The following EXD2 variants were observed in gnomAD, a reference collection of about 807,000 sequenced individuals.
EXD2 encodes exonuclease 3'-5' domain-containing protein 2.
In EXD2, 40 loss-of-function variants were observed where a neutral mutation model predicts 62.5. That is an observed-to-expected ratio of 0.64 (90% confidence interval 0.50 to 0.83). The LOEUF is 0.83. Among genes scored for constraint, EXD2 ranks in the 40% least tolerant of loss-of-function variants. EXD2 has a pLI of 0.00. For synonymous variants in EXD2, 239 were observed against 291.9 expected, an observed-to-expected ratio of 0.82 and a Z score of 1.85; for missense variants, 671 against 761.8, an observed-to-expected ratio of 0.88 and a Z score of 1.40.
At chr14:69,207,949 A>G (rs1326701293) in intron 2 of EXD2, among the ~76,000 whole-genome samples, 1 of 149,246 alleles carries the variant, frequency 6.7e-6, no homozygotes, top group Non-Finnish European at 1.5e-5. Flanking sequence ...CCCAGGCTGG[A>G]GTGCAGTGGC....
At position 69,236,544 on chromosome 14, in the gene EXD2, T is replaced by C. The variant is rs570334436; in HGVS notation, c.1292+2T>C. 1.2e-6 allele frequency: 2 copies of C among 1,614,068 alleles called. No homozygotes were observed. The highest frequency in any genetic ancestry group is 3.3e-5 in the Admixed American group (2 of 60,016). ...TGGCAAGAGAGACTCCTACATTCGG[T>C]GAGTGCAGCATTGGGCCACCCTGGT... On this transcript the variant is annotated splice_donor_variant, in intron 8 of 9. Transcript: ENST00000685843. LOFTEE classifies it high-confidence loss of function.
chr14:69,226,460 C>T (rs1448444429), intron 3 of EXD2, among the ~76,000 whole-genome samples: 3 of 152,134 alleles, frequency 2.0e-5, no homozygotes, highest in African/African-American at 7.2e-5. Flanking sequence ...AAGTTGAGGG[C>T]TAGAGGGCCG....
At chr14:69,200,156 T>C (rs1232069466) in intron 1 of EXD2, among the ~76,000 whole-genome samples, 1 of 152,210 alleles carries the variant, frequency 6.6e-6, no homozygotes, top group Non-Finnish European at 1.5e-5. Context: ...ACCGAAACAT[T>C]GTTATACAGC....
rs368972120 is a variant in EXD2 at position 69,234,982 on chromosome 14, G to T, written c.1000G>T (p.Asp334Tyr). The T allele has an allele frequency of 5.6e-6, 9 of 1,610,976 alleles. No homozygotes were observed. The African/African-American group carries it at 1.2e-4, about 22-fold the overall frequency. ...GGTGCCAGGCAACCACCAAGGGAGA[G>T]ACCCCAGAAAACATAAAAGAAAGCC... ...GMVPGNHQGR[D>Y]PRKHKRKPLG... Residue 334 changes from aspartate (D) to tyrosine (Y), a missense_variant, in exon 6 of 10, where the codon GAC becomes TAC. By Grantham distance (160) the Asp-to-Tyr change is radical (BLOSUM62 -3). Coordinates refer to ENST00000685843, the MANE Select transcript of EXD2 (RefSeq NM_001193360.2).
intron 5 of EXD2, 45 bp from the exon 6 acceptor site, chr14:69,234,655 T>C: frequency 6.6e-7 from 1 of 1,506,164 alleles, no homozygotes; most frequent in East Asian, 2.3e-5. Flanking sequence ...TTTTTCTCTC[T>C]GGTTTGCCTT....
chr14:69,220,262 T>TG (rs2043132660), intron 3 of EXD2, among the ~76,000 whole-genome samples: 2 of 80,538 alleles, frequency 2.5e-5, no homozygotes, highest in African/African-American at 5.3e-5. Flanking sequence ...TGTTTTTTTT[T>TG]TTTTTTTTTT....
rs751741372 is a variant in EXD2 at position 69,235,037 on chromosome 14, T to C, written c.1049+6T>C. Reference sequence around the variant, plus strand: ...GGGGTGGGCTATTCTGCCAGGTAACTGAATCACTCCCTGTCTAGTAAAGAG... The same window carrying C: ...GGGGTGGGCTATTCTGCCAGGTAACCGAATCACTCCCTGTCTAGTAAAGAG... On this transcript the variant is annotated splice_donor_region_variant and intron_variant, in intron 6 of 9. Transcript: ENST00000685843. 6.3e-7 allele frequency: 1 copy of C among 1,576,502 alleles called. No individual in the cohort carries two copies. Among genetic ancestry groups the C allele is most frequent in the East Asian group, 2.3e-5 (1 of 44,272 alleles).
chr14:69,208,729 A>G (rs904013049), intron 2 of EXD2: 7 of 152,186 alleles, frequency 4.6e-5, no homozygotes, highest in Non-Finnish European at 7.3e-5. Flanking sequence ...TCCGCCTTCT[A>G]TGCATCTTGT....
intron 8 of EXD2, 135 bp downstream of exon 8, chr14:69,236,677 C>G: frequency 4.2e-6 from 5 of 1,182,818 alleles, no homozygotes; most frequent in Non-Finnish European, 6.0e-6. Flanking sequence ...TATCCAGCTT[C>G]CCCAAGAGCT....
At chr14:69,228,559 C>T (rs927328153) in intron 3 of EXD2, among the ~76,000 whole-genome samples, 6 of 152,060 alleles carry the variant, frequency 3.9e-5, no homozygotes, top group South Asian at 2.1e-4. Flanking sequence ...TCCCCTGTGT[C>T]GGCTGGTCGC....
chr14:69,240,599 C>T (rs541826126), intron 9 of EXD2, among the ~76,000 whole-genome samples: 1 of 152,262 alleles, frequency 6.6e-6, no homozygotes, highest in South Asian at 2.1e-4. Context: ...CCATTATCAG[C>T]TGGATGGTAG....
chr14:69,221,908 C>CT (rs1555390376), intron 3 of EXD2, among the ~76,000 whole-genome samples: 1 of 31,074 alleles, frequency 3.2e-5, no homozygotes, highest in East Asian at 1.6e-3. Context: ...CCTGTCTCTA[C>CT]TAAAAAAAAA....
At chr14:69,214,958 A>G (rs1357439801) in intron 3 of EXD2, among the ~76,000 whole-genome samples, 1 of 151,682 alleles carries the variant, frequency 6.6e-6, no homozygotes, top group Non-Finnish European at 1.5e-5. Context: ...TTTCCATTCT[A>G]TTATTGATGG....
chr14:69,193,824 G>A (rs1241818987), intron 1 of EXD2, among the ~76,000 whole-genome samples: 3 of 151,778 alleles, frequency 2.0e-5, no homozygotes, highest in Non-Finnish European at 4.4e-5. Context: ...GGCAATGTCT[G>A]TAAACATTTT....
In EXD2 at chr14:69,237,737, C is replaced by T. The variant is rs371199925; in HGVS notation, c.1455C>T (p.Ile485=). Residue 485 remains isoleucine (I), a synonymous_variant, in exon 9 of 10, where the codon ATC becomes ATT. Transcript: ENST00000685843. ...TGGCCAAGGAGTTCCAGGCCCCCAT[C>T]GGCTCTGAGGAGGGCTTGCGCCTGC... The part of the protein sequence containing the change: ...QQLAKEFQAP[I]GSEEGLRLLE... 1.9e-5 allele frequency: 31 copies of T among 1,613,896 alleles called. 1 individual carries two copies. Among genetic ancestry groups the T allele is most frequent in the South Asian group, 1.1e-4 (10 of 91,038 alleles).
At position 69,213,374 on chromosome 14, in the gene EXD2, T is replaced by C. The variant is rs369586653; in HGVS notation, c.333+3571T>C. The stretch of plus-strand genomic sequence containing the variant: ...GTGTGTGAGCTACCATGCTGGGCCC[T>C]TTTTTTTTTTTTTTTTTTTTTTTTA... On this transcript the variant is annotated intron_variant, in intron 3 of 9. Coordinates refer to ENST00000685843, the MANE Select transcript of EXD2 (RefSeq NM_001193360.2). 1.2e-3 allele frequency among the ~76,000 whole-genome samples: 12 copies of C among 9,914 alleles called. No individual in the cohort carries two copies. The African/African-American group carries it at 0.038, about 31-fold the overall frequency. The allele number at this position is 9,914 out of a possible 152,430, so 6.5% of individuals were successfully genotyped here.
In EXD2 at chr14:69,209,613, T is replaced by C. The variant is rs1456097687; in HGVS notation, c.143T>C (p.Leu48Pro). The C allele has an allele frequency of 4.5e-6, 7 of 1,550,446 alleles. No homozygotes were observed. Among genetic ancestry groups the C allele is most frequent in the Non-Finnish European group, 6.1e-6 (7 of 1,147,006 alleles). The change falls in exon 3 of 10, where the codon CTG (leucine) becomes CCG (proline). Residue 48 changes from leucine (L) to proline (P), a missense_variant. Physicochemically the swap from Leu to Pro is moderately conservative, Grantham distance 98. Transcript: ENST00000685843. ...PVTQQPQQKVLGSRELPPPED... is the reference protein window; with the variant it reads ...PVTQQPQQKVPGSRELPPPED... ...ACCCAACAGCCACAGCAGAAAGTGC[T>C]GGGCAGTAGAGAGCTGCCCCCTCCA...
At position 69,205,416 on chromosome 14, in the gene EXD2, C is replaced by G. The variant is rs58893180; in HGVS notation, c.-48+1416C>G. Among the ~76,000 whole-genome samples, 667 of 152,142 alleles carry G rather than the reference C, an allele frequency of 4.4e-3. 1 individual carries two copies. The highest frequency in any genetic ancestry group is 0.013 in the African/African-American group (546 of 41,494). On this transcript the variant is annotated intron_variant, in intron 2 of 9. Transcript: ENST00000685843. ...GGTGACTTCCTCAGATTTTTTTCTT[C>G]AATTCATTAACTCTTTCTGTATGTC...
At chr14:69,200,974 TGAGGCAGGAGAATTGCTTGAACTCGG>T (rs923311410) in intron 1 of EXD2, among the ~76,000 whole-genome samples, 2 of 151,334 alleles carry the variant, frequency 1.3e-5, no homozygotes, top group East Asian at 4.0e-4. Flanking sequence ...CTTGGGAGGC[TGAGGCAGGAGAATTGCTTGAACTCGG>T]GAGGCAGAAG....
Sources: allele counts gnomAD v4.1 joint callset (sites outside exome capture counted in the v4.1 genomes callset), GRCh38; gene constraint gnomAD v4.1.1; transcripts MANE v1.5; gene names NCBI Gene and HGNC (gene_info 2026-07-23, HGNC 2026-07-21).